Variants in TCF20 observed in about 807,000 individuals in gnomAD.
The protein encoded by TCF20 is SPRE-binding protein.
Under a neutral mutation model 148.6 loss-of-function variants are expected in TCF20, and 3 were observed. The observed-to-expected ratio is 0.02, with a 90% CI of 0.01 to 0.05. The LOEUF (loss-of-function observed/expected upper bound fraction) is 0.05. TCF20 is among the 10% of genes least tolerant of loss of function. The probability of loss-of-function intolerance (pLI) is 1.00; values close to 1 mark genes in which losing one functional copy is unlikely to be tolerated. For missense variants in TCF20, 2,350 were observed against 2,429.3 expected (o/e 0.97, Z 0.69); for synonymous variants, 1,049 against 909.5 (o/e 1.15, Z -2.76).
chr22:42,226,931 C>T lies in TCF20; in HGVS notation c.-36-11590G>A, dbSNP rs188932318. Reference sequence around the variant, plus strand: ...GTATTGTAAAGACGTTAAGTCTCCACATATTAGTTTATAAAATTCTAATAG... The same window carrying T: ...GTATTGTAAAGACGTTAAGTCTCCATATATTAGTTTATAAAATTCTAATAG... On this transcript the variant is annotated intron_variant, in intron 1 of 5. Coordinates refer to ENST00000677622, the MANE Select transcript of TCF20 (RefSeq NM_001378418.1). Among the ~76,000 whole-genome samples the T allele has an allele frequency of 4.0e-3, 613 of 152,280 alleles. 3 individuals are homozygous for T. The highest frequency in any genetic ancestry group is 6.6e-3 in the Non-Finnish European group (448 of 68,026).
At chr22:42,208,021 G>A (rs1286683079) in intron 2 of TCF20, among the ~76,000 whole-genome samples, 1 of 152,162 alleles carries the variant, frequency 6.6e-6, no homozygotes, top group Non-Finnish European at 1.5e-5. Flanking sequence ...GTGAGATGCT[G>A]TCTCTACAAA....
intron 1 of TCF20, among the ~76,000 whole-genome samples, chr22:42,293,783 C>T (rs143065297): frequency 0.011 from 1,708 of 152,312 alleles, 17 homozygotes; most frequent in Middle Eastern, 0.027. Context: ...GGGCAGATCA[C>T]GAGGTCAGGA....
chr22:42,190,122 T>TG (rs561931763), intron 2 of TCF20, among the ~76,000 whole-genome samples: 12 of 151,860 alleles, frequency 7.9e-5, no homozygotes, highest in African/African-American at 2.9e-4. Context: ...AAGGGCACGG[T>TG]GGGGGTATCT....
chr22:42,209,690 G>A lies in TCF20; in HGVS notation c.5616C>T (p.Leu1872=). 1 of 1,614,118 alleles carries A rather than the reference G, an allele frequency of 6.2e-7. No homozygotes were observed. Among genetic ancestry groups the A allele is most frequent in the Non-Finnish European group, 8.5e-7 (1 of 1,180,002 alleles). ...TTTCCAGCGCTTCCTGCAGGCCATAGAGCCTGCCACAAACCAGGTAGATTC... is the reference window on the plus strand; with the variant it reads ...TTTCCAGCGCTTCCTGCAGGCCATAAAGCCTGCCACAAACCAGGTAGATTC... ...ANGIYLVCGR[L]YGLQEALEIA... is the part of the protein sequence containing the mutation. Residue 1872 remains leucine (L), a synonymous_variant, in exon 2 of 6, where the codon CTC becomes CTT. Transcript: ENST00000677622.
At chr22:42,318,029 G>A (rs892427908) in intron 1 of TCF20, among the ~76,000 whole-genome samples, 9 of 152,320 alleles carry the variant, frequency 5.9e-5, no homozygotes, top group African/African-American at 1.9e-4. Flanking sequence ...GGGCAGCCTG[G>A]GCCTTGACCC....
intron 2 of TCF20, among the ~76,000 whole-genome samples, chr22:42,206,852 T>C (rs368382842): frequency 1.3e-5 from 2 of 152,352 alleles, no homozygotes; most frequent in South Asian, 4.1e-4. Context: ...ATAAATAATA[T>C]GGTAGACTAC....
chr22:42,320,584 A>T (rs1175054317), intron 1 of TCF20, among the ~76,000 whole-genome samples: 3 of 152,210 alleles, frequency 2.0e-5, no homozygotes, highest in Admixed American at 2.0e-4. Flanking sequence ...CTTCATCTCC[A>T]GGAGAATAGA....
chr22:42,277,469 C>T (rs1255113887), intron 1 of TCF20, among the ~76,000 whole-genome samples: 1 of 152,198 alleles, frequency 6.6e-6, no homozygotes, highest in African/African-American at 2.4e-5. Context: ...GACATTTGAG[C>T]TGAGGCCTGA....
At chr22:42,270,736 G>GGGA (rs1392704114), upstream of TCF20, among the ~76,000 whole-genome samples, 1 of 143,116 alleles carries the variant, frequency 7.0e-6, no homozygotes, top group African/African-American at 2.5e-5. Flanking sequence ...GCGGCGGGGC[G>GGGA]GGGCGCGCGG....
intron 1 of TCF20, among the ~76,000 whole-genome samples, chr22:42,216,698 G>A (rs1223733024): frequency 6.6e-6 from 1 of 152,188 alleles, no homozygotes; most frequent in East Asian, 1.9e-4. Context: ...CCATTACTAT[G>A]AAAGAATTAG....
chr22:42,221,984 C>T (rs1016698566), intron 1 of TCF20, among the ~76,000 whole-genome samples: 1 of 151,770 alleles, frequency 6.6e-6, no homozygotes. Flanking sequence ...ATGATCCGCC[C>T]GCCTCAGCCT....
intron 3 of TCF20, among the ~76,000 whole-genome samples, chr22:42,176,692 T>C (rs1226221686): frequency 6.6e-6 from 1 of 152,184 alleles, no homozygotes; most frequent in African/African-American, 2.4e-5. Flanking sequence ...CTTAGATACA[T>C]CTAATGCTCA....
intron 1 of TCF20, among the ~76,000 whole-genome samples, chr22:42,335,550 A>G (rs766829994): frequency 6.6e-5 from 10 of 152,328 alleles, no homozygotes; most frequent in Middle Eastern, 3.4e-3. Flanking sequence ...CATTTGCTGA[A>G]TGAATACTGA....
intron 5 of TCF20, among the ~76,000 whole-genome samples, chr22:42,165,118 G>A (rs1271063989): frequency 6.6e-6 from 1 of 152,246 alleles, no homozygotes; most frequent in Admixed American, 6.5e-5. Context: ...GGGCTGGTGG[G>A]GAAGGAAAGT....
upstream of TCF20, among the ~76,000 whole-genome samples, chr22:42,288,421 A>C (rs1464303600): frequency 6.6e-6 from 1 of 151,836 alleles, no homozygotes; most frequent in Non-Finnish European, 1.5e-5. Flanking sequence ...CTGTAGTCCC[A>C]GCTACTCGGG....
chr22:42,168,833 G>A (rs1601512133), intron 4 of TCF20, 97 bp from the exon 5 acceptor site: 2 of 1,421,468 alleles, frequency 1.4e-6, no homozygotes, highest in Non-Finnish European at 9.3e-7. Flanking sequence ...ACATGGAAAA[G>A]GAAAGAAAAG....
At chr22:42,280,936 C>T (rs1326598729) in intron 1 of TCF20, among the ~76,000 whole-genome samples, 1 of 152,178 alleles carries the variant, frequency 6.6e-6, no homozygotes, top group Non-Finnish European at 1.5e-5. Context: ...AGCCACACAG[C>T]TAGGAAATGG....
chr22:42,218,332 T>G (rs532356665), intron 1 of TCF20, among the ~76,000 whole-genome samples: 19 of 152,320 alleles, frequency 1.2e-4, no homozygotes, highest in African/African-American at 4.3e-4. Flanking sequence ...CCACAATAAA[T>G]CTGTCCCTTC....
At chr22:42,237,514 C>T (rs1000633872) in intron 1 of TCF20, among the ~76,000 whole-genome samples, 12 of 152,220 alleles carry the variant, frequency 7.9e-5, no homozygotes, top group African/African-American at 2.4e-4. Context: ...CATGTACTGA[C>T]CTCCTCCCAT....
Sources: gnomAD v4.1 joint callset for allele counts (sites outside exome capture counted in the v4.1 genomes callset) on GRCh38, gnomAD v4.1.1 for gene constraint, MANE v1.5 for transcripts, NCBI Gene and HGNC (gene_info 2026-07-23, HGNC 2026-07-21) for gene names.